Variants in SBF2 observed in about 807,000 individuals in gnomAD.
SBF2 encodes the protein SET binding factor 2.
In SBF2, 112 loss-of-function variants were observed where a neutral mutation model predicts 225.2. The ratio of observed to expected loss-of-function variants is 0.50; its 90% CI spans 0.43 to 0.58. The LOEUF (loss-of-function observed/expected upper bound fraction) is 0.58, where lower values mean the gene tolerates loss of function less well. Among genes scored for constraint, SBF2 ranks in the 20% least tolerant of loss-of-function variants. The pLI, the probability that SBF2 is intolerant of heterozygous loss-of-function variation, is 0.00. For synonymous variants in SBF2, 763 were observed against 773.3 expected, an observed-to-expected ratio of 0.99 and a Z score of 0.22; for missense variants, 1,996 against 2,206.2, an observed-to-expected ratio of 0.90 and a Z score of 1.91.
At chr11:10,037,039 T>G (rs967149979) in intron 3 of SBF2, among the ~76,000 whole-genome samples, 1 of 152,172 alleles carries the variant, frequency 6.6e-6, no homozygotes, top group Non-Finnish European at 1.5e-5. Flanking sequence ...TTAAGCATGT[T>G]GCACCAATTA....
intron 16 of SBF2, among the ~76,000 whole-genome samples, chr11:9,942,080 T>C (rs746961803): frequency 1.3e-5 from 2 of 152,222 alleles, no homozygotes; most frequent in Non-Finnish European, 2.9e-5. Flanking sequence ...AAATCATACA[T>C]GTATTTTTTG....
chr11:10,180,470 C>T (rs1201864362), intron 2 of SBF2, among the ~76,000 whole-genome samples: 1 of 150,300 alleles, frequency 6.7e-6, no homozygotes, highest in African/African-American at 2.5e-5. Flanking sequence ...TATGTTATTT[C>T]TTTCTTTTCT....
intron 2 of SBF2, among the ~76,000 whole-genome samples, chr11:10,111,902 G>C (rs936772183): frequency 3.3e-5 from 5 of 152,042 alleles, no homozygotes; most frequent in Non-Finnish European, 7.4e-5. Context: ...AATTAACTTA[G>C]AGTTCTGTTA....
intron 33 of SBF2, among the ~76,000 whole-genome samples, chr11:9,792,812 G>T (rs1852836046): frequency 1.3e-5 from 2 of 151,976 alleles, no homozygotes; most frequent in South Asian, 4.2e-4. Flanking sequence ...GAGTGCAGTG[G>T]TGTGATCTCG....
At chr11:10,235,480 T>C (rs1016008193) in intron 1 of SBF2, among the ~76,000 whole-genome samples, 2 of 151,436 alleles carry the variant, frequency 1.3e-5, no homozygotes, top group Non-Finnish European at 2.9e-5. Context: ...TGAGCCGAGA[T>C]TGTGCCACTG....
chr11:10,232,325 G>T (rs1958891673), intron 1 of SBF2, among the ~76,000 whole-genome samples: 1 of 152,178 alleles, frequency 6.6e-6, no homozygotes, highest in African/African-American at 2.4e-5. Flanking sequence ...TGCACCCACT[G>T]TCCGGCACTC....
At chr11:10,252,835 C>A (rs202154413) in intron 1 of SBF2, among the ~76,000 whole-genome samples, 14 of 141,140 alleles carry the variant, frequency 9.9e-5, no homozygotes, top group African/African-American at 2.6e-5. Flanking sequence ...AAAAAAAAAT[C>A]AAAAAAAAGA....
At chr11:10,209,151 T>C (rs1419014079) in intron 1 of SBF2, among the ~76,000 whole-genome samples, 3 of 152,072 alleles carry the variant, frequency 2.0e-5, no homozygotes, top group South Asian at 2.1e-4. Context: ...CCTAAGTCAA[T>C]AAAGGAGAAG....
chr11:9,854,171 G>A (rs1313746281), intron 19 of SBF2, among the ~76,000 whole-genome samples: 1 of 152,192 alleles, frequency 6.6e-6, no homozygotes, highest in Non-Finnish European at 1.5e-5. Context: ...GGCAAAGTAA[G>A]AGAATTTTTC....
chr11:10,039,823 GAT>G lies in SBF2; in HGVS notation c.279+3019_279+3020del, dbSNP rs151118038. Among the ~76,000 whole-genome samples, 3 of 151,932 alleles carry G rather than the reference GAT, an allele frequency of 2.0e-5. No homozygotes were observed. The East Asian group carries it at 5.8e-4, about 29-fold the overall frequency. ...TTAAAAAGTACTTTTTCTAAAAGGA[GAT>G]CTGTGAAAAGAACACAGGAATCTGT... On this transcript the variant is annotated intron_variant, in intron 3 of 39. Coordinates refer to ENST00000256190, the MANE Select transcript of SBF2 (RefSeq NM_030962.4).
intron 11 of SBF2, 22 bp from the exon 12 acceptor site, chr11:9,992,565 A>T: frequency 6.2e-7 from 1 of 1,606,598 alleles, no homozygotes; most frequent in Admixed American, 1.7e-5. Context: ...GAAAATGTGA[A>T]ATAATAATTT....
chr11:9,877,700 T>C (rs933594440), intron 17 of SBF2, among the ~76,000 whole-genome samples: 1 of 152,212 alleles, frequency 6.6e-6, no homozygotes, highest in Non-Finnish European at 1.5e-5. Context: ...TCCAGCTTCA[T>C]CCATGTCCCT....
chr11:9,898,318 A>G (rs752546513), intron 16 of SBF2, among the ~76,000 whole-genome samples: 8 of 152,188 alleles, frequency 5.3e-5, no homozygotes, highest in Admixed American at 5.2e-4. Flanking sequence ...TGTATTGTCA[A>G]TTCTGAAAAA....
intron 2 of SBF2, among the ~76,000 whole-genome samples, chr11:10,096,421 C>G (rs1294401535): frequency 4.4e-5 from 3 of 67,544 alleles, no homozygotes; most frequent in Non-Finnish European, 1.0e-4. Context: ...AGTCAAAGTT[C>G]TGTAAAAAAA....
At chr11:10,071,840 T>C (rs947314704) in intron 2 of SBF2, among the ~76,000 whole-genome samples, 10 of 152,182 alleles carry the variant, frequency 6.6e-5, no homozygotes, top group African/African-American at 2.2e-4. Context: ...ATCTCAGGGA[T>C]GAAGCTGACT....
intron 1 of SBF2, among the ~76,000 whole-genome samples, chr11:10,285,076 C>T (rs72851620): frequency 0.054 from 8,151 of 152,164 alleles, 302 homozygotes; most frequent in Middle Eastern, 0.14. Flanking sequence ...TTGGGAAGTT[C>T]AGGCAAAAGG....
intron 16 of SBF2, chr11:9,960,051 G>C: frequency 3.8e-6 from 1 of 260,668 alleles, no homozygotes; most frequent in Non-Finnish European, 7.5e-6. Context: ...AGTGGCTATT[G>C]ATAGGCGCAA....
At chr11:10,135,491 C>T (rs1250828880) in intron 2 of SBF2, among the ~76,000 whole-genome samples, 3 of 152,138 alleles carry the variant, frequency 2.0e-5, no homozygotes, top group African/African-American at 7.2e-5. Context: ...AACGTTTATG[C>T]TCTGCTTCCG....
chr11:9,826,506 C>G (rs974793307), intron 28 of SBF2, among the ~76,000 whole-genome samples: 2 of 152,018 alleles, frequency 1.3e-5, no homozygotes, highest in African/African-American at 4.8e-5. Flanking sequence ...AGAGTTTTTC[C>G]TGAAGGGTTT....
Sources: gnomAD v4.1 joint callset for allele counts (sites outside exome capture counted in the v4.1 genomes callset) on GRCh38, gnomAD v4.1.1 for gene constraint, MANE v1.5 for transcripts, NCBI Gene and HGNC (gene_info 2026-07-23, HGNC 2026-07-21) for gene names.